Variants in MAP3K13 observed in about 807,000 individuals in gnomAD.
MAP3K13 encodes the protein mitogen-activated protein kinase kinase kinase 13, also known as leucine zipper-bearing kinase.
In MAP3K13, 52 loss-of-function variants were observed where a neutral mutation model predicts 104.0. The observed-to-expected ratio is 0.50, with a 90% CI of 0.40 to 0.63. The LOEUF is 0.63. Ranked by LOEUF, MAP3K13 falls within the 20% of genes least tolerant of loss-of-function variation. The pLI, the probability that MAP3K13 is intolerant of heterozygous loss-of-function variation, is 0.00. For synonymous variants in MAP3K13, 394 were observed against 442.2 expected, an observed-to-expected ratio of 0.89 and a Z score of 1.37; for missense variants, 914 against 1,218.5, an observed-to-expected ratio of 0.75 and a Z score of 3.72.
At chr3:185,454,412 G>T (rs189210703) in intron 7 of MAP3K13, among the ~76,000 whole-genome samples, 4 of 72,770 alleles carry the variant, frequency 5.5e-5, no homozygotes, top group South Asian at 4.5e-4. Flanking sequence ...ATATATATGA[G>T]ATATATGAGA....
chr3:185,373,413 G>A (rs541063174), intron 1 of MAP3K13, among the ~76,000 whole-genome samples: 3 of 152,260 alleles, frequency 2.0e-5, no homozygotes, highest in Non-Finnish European at 2.9e-5. Context: ...AGGCTGAGGC[G>A]GGTGGTTCAC....
At chr3:185,477,123 A>G (rs1718175271) in intron 11 of MAP3K13, 1 of 674,600 alleles carries the variant, frequency 1.5e-6, no homozygotes, top group Admixed American at 2.0e-5. Flanking sequence ...CCAGCATCTC[A>G]TGCAGGCCCG....
At chr3:185,405,261 G>A (rs182692959) in intron 1 of MAP3K13, among the ~76,000 whole-genome samples, 177 of 152,242 alleles carry the variant, frequency 1.2e-3, no homozygotes, top group Non-Finnish European at 2.2e-3. Flanking sequence ...TAATGTAATC[G>A]CATAAATTCA....
intron 1 of MAP3K13, among the ~76,000 whole-genome samples, chr3:185,403,593 C>A (rs1712936590): frequency 6.6e-6 from 1 of 152,122 alleles, no homozygotes; most frequent in South Asian, 2.1e-4. Context: ...TATCTCAAAA[C>A]ATCACACTGT....
At chr3:185,335,381 C>T (rs548053158) in intron 2 of MAP3K13, among the ~76,000 whole-genome samples, 170 of 152,204 alleles carry the variant, frequency 1.1e-3, no homozygotes, top group Admixed American at 1.8e-3. Flanking sequence ...GTAAAGAAAA[C>T]CCTTCTGCCC....
In MAP3K13 at chr3:185,474,824, C is replaced by T. The variant is rs141229696; in HGVS notation, c.2430+1063C>T. The stretch of plus-strand genomic sequence containing the variant: ...TTAAAGCCAGGCTCTTGGCCAGGCA[C>T]GGTGGCTCATGCTTGTAATGCCAGC... On this transcript the variant is annotated intron_variant, in intron 11 of 13. Transcript: ENST00000265026. 9.6e-4 allele frequency among the ~76,000 whole-genome samples: 146 copies of T among 152,156 alleles called. No homozygotes were observed. The Middle Eastern group carries it at 0.014, about 14-fold the overall frequency.
chr3:185,387,277 C>T lies in MAP3K13; in HGVS notation c.-86+23909C>T, dbSNP rs1029749087. On this transcript the variant is annotated intron_variant, in intron 1 of 13. Coordinates refer to ENST00000265026, the MANE Select transcript of MAP3K13 (RefSeq NM_004721.5). ...ATGAATATACTAATGCTCTTCCTTT[C>T]GGATCAGTGAGTTCTCACTCTATTA... is the stretch of plus-strand genomic sequence containing the variant. Among the ~76,000 whole-genome samples the T allele has an allele frequency of 4.6e-5, 7 of 152,232 alleles. No homozygotes were observed. In the East Asian group the frequency reaches 7.8e-4, roughly 17 times the overall value.
intron 9 of MAP3K13, 27 bp downstream of exon 9, chr3:185,465,890 T>C: frequency 6.6e-7 from 1 of 1,504,730 alleles, no homozygotes; most frequent in South Asian, 1.1e-5. Flanking sequence ...GTGTCTGTTC[T>C]TACTGATTTG....
At chr3:185,297,188 G>C (rs1039808538) in intron 2 of MAP3K13, among the ~76,000 whole-genome samples, 1 of 152,132 alleles carries the variant, frequency 6.6e-6, no homozygotes, top group Non-Finnish European at 1.5e-5. Context: ...GGCATAAAAT[G>C]TACACAGTCT....
At chr3:185,426,751 CT>C (rs924437346) in intron 1 of MAP3K13, among the ~76,000 whole-genome samples, 2 of 152,152 alleles carry the variant, frequency 1.3e-5, no homozygotes, top group Non-Finnish European at 2.9e-5. Flanking sequence ...TACCTTCCCC[CT>C]CTTCCTTCAC....
At chr3:185,455,383 T>TATATGAG (rs1716480935) in intron 7 of MAP3K13, among the ~76,000 whole-genome samples, 3 of 32,332 alleles carry the variant, frequency 9.3e-5, no homozygotes, top group Non-Finnish European at 1.7e-4. Flanking sequence ...ATATATATGA[T>TATATGAG]ATATATATCA....
chr3:185,287,003 A>G (rs958575204), intron 2 of MAP3K13, among the ~76,000 whole-genome samples: 1 of 152,196 alleles, frequency 6.6e-6, no homozygotes, highest in Non-Finnish European at 1.5e-5. Flanking sequence ...ACTATTTAGA[A>G]GAAGTAGGGT....
intron 2 of MAP3K13, among the ~76,000 whole-genome samples, chr3:185,354,073 T>A (rs1353256431): frequency 6.6e-6 from 1 of 152,108 alleles, no homozygotes; most frequent in Non-Finnish European, 1.5e-5. Context: ...TTGCCAAAGA[T>A]AAGTAAATCG....
At chr3:185,343,651 C>T (rs1024167198) in intron 2 of MAP3K13, among the ~76,000 whole-genome samples, 4 of 152,228 alleles carry the variant, frequency 2.6e-5, no homozygotes, top group African/African-American at 9.6e-5. Context: ...TGGGGTTTCA[C>T]CGTGTTGGCC....
rs191125376 is a variant in MAP3K13, at chr3:185,442,609, C to T, written c.660-836C>T. Among the ~76,000 whole-genome samples, 5 of 151,648 alleles carry T rather than the reference C, an allele frequency of 3.3e-5. No homozygotes were observed. The East Asian group carries it at 9.7e-4, about 30-fold the overall frequency. On this transcript the variant is annotated intron_variant, in intron 3 of 13. Transcript: ENST00000265026. ...AGTGCAGTGGCACGATCTTGGCTCA[C>T]TGCAACCTCCTTCTCCCAGGCTCAA...
intron 2 of MAP3K13, among the ~76,000 whole-genome samples, chr3:185,325,119 G>A (rs1722002578): frequency 6.6e-6 from 1 of 152,194 alleles, no homozygotes; most frequent in African/African-American, 2.4e-5. Context: ...TGGTCATTAA[G>A]TAGACGTAGT....
At chr3:185,285,611 T>C (rs1215955495) in exon 2 of MAP3K13, 1 of 1,535,146 alleles carries the variant, frequency 6.5e-7, no homozygotes, top group East Asian at 2.4e-5. Flanking sequence ...TCAATATGTA[T>C]TGTGGCATTC....
At chr3:185,463,026 GC>G (rs1447223446) in intron 7 of MAP3K13, among the ~76,000 whole-genome samples, 4 of 151,890 alleles carry the variant, frequency 2.6e-5, no homozygotes, top group Non-Finnish European at 5.9e-5. Flanking sequence ...TTCCCGTATA[GC>G]TTCTTATATT....
chr3:185,479,473 C>T (rs1466285903), intron 12 of MAP3K13, among the ~76,000 whole-genome samples: 2 of 152,148 alleles, frequency 1.3e-5, no homozygotes, highest in African/African-American at 4.8e-5. Flanking sequence ...TCTCTTTCAC[C>T]TGTGAGAATC....
Sources: gnomAD v4.1 joint callset for allele counts (sites outside exome capture counted in the v4.1 genomes callset) on GRCh38, gnomAD v4.1.1 for gene constraint, MANE v1.5 for transcripts, NCBI Gene and HGNC (gene_info 2026-07-23, HGNC 2026-07-21) for gene names.